The following TRPV3 variants were observed in gnomAD, a reference collection of about 807,000 sequenced individuals.
TRPV3 encodes the protein transient receptor potential cation channel subfamily V member 3.
Under a neutral mutation model 87.1 loss-of-function variants are expected in TRPV3, and 88 were observed. The observed-to-expected ratio is 1.01, with a 90% CI of 0.85 to 1.21. The LOEUF (loss-of-function observed/expected upper bound fraction) is 1.21, where lower values mean the gene tolerates loss of function less well. TRPV3 is among the 50% of genes most tolerant of loss of function. The pLI is 0.00. For missense variants in TRPV3, 1,054 were observed against 1,030.1 expected (o/e 1.02, Z -0.32); for synonymous variants, 438 against 423.3 (o/e 1.03, Z -0.43).
At chr17:3,547,575 C>T (rs968872862) in intron 2 of TRPV3, among the ~76,000 whole-genome samples, 5 of 152,126 alleles carry the variant, frequency 3.3e-5, no homozygotes, top group African/African-American at 7.2e-5. Flanking sequence ...GAGCCAAGAT[C>T]GCACCATTGC....
intron 9 of TRPV3, among the ~76,000 whole-genome samples, chr17:3,529,490 G>C (rs948820213): frequency 6.6e-6 from 1 of 152,088 alleles, no homozygotes; most frequent in Non-Finnish European, 1.5e-5. Context: ...CCAGCCTGCT[G>C]CCTCACTGCC....
intron 12 of TRPV3, 90 bp from the exon 13 acceptor site, chr17:3,524,453 C>G: frequency 6.6e-7 from 1 of 1,508,472 alleles, no homozygotes; most frequent in Non-Finnish European, 9.0e-7. Flanking sequence ...CCTTAAACCC[C>G]CTGAACAGTC....
intron 5 of TRPV3, 151 bp from the exon 6 acceptor site, chr17:3,542,849 C>T (rs2074480985): frequency 2.5e-6 from 2 of 797,062 alleles, no homozygotes; most frequent in East Asian, 2.7e-5. Flanking sequence ...TCTCCTCCCT[C>T]TCCAGCTGTT....
chr17:3,533,549 A>G (rs1353968961), intron 7 of TRPV3, among the ~76,000 whole-genome samples: 2 of 144,168 alleles, frequency 1.4e-5, no homozygotes, highest in Non-Finnish European at 3.0e-5. Flanking sequence ...GCCAGGCTGG[A>G]GTGCAGTGGT....
chr17:3,535,790 T>C (rs1165037429), intron 6 of TRPV3, 77 bp from the exon 7 acceptor site: 3 of 1,374,440 alleles, frequency 2.2e-6, no homozygotes, highest in Non-Finnish European at 2.8e-6. Context: ...CTGGCCTCCA[T>C]ACCCTCCCCG....
rs2150776102 is a variant in TRPV3, at chr17:3,513,944, G to T, written c.2346C>A (p.Val782=). 6.2e-7 allele frequency: 1 copy of T among 1,614,140 alleles called. No homozygotes were observed. The stretch of plus-strand genomic sequence containing the variant: ...ACACCGAGGTTTCCGGGAATTCCTC[G>T]ACTTCTTCAAATGCATTGAGAGTGG... ...SKTTLNAFEE[V]EEFPETSV is the part of the protein sequence containing the mutation. Residue 782 remains valine, a synonymous_variant, in exon 18 of 18, where the codon GTC becomes GTA. Transcript: ENST00000576742.
intron 12 of TRPV3, 127 bp from the exon 13 acceptor site, chr17:3,524,490 C>T: frequency 8.7e-7 from 1 of 1,153,562 alleles, no homozygotes; most frequent in Middle Eastern, 2.1e-4. Flanking sequence ...CTGAAGAGAC[C>T]AGAATCACGC....
At chr17:3,546,961 C>A (rs538514581) in intron 2 of TRPV3, among the ~76,000 whole-genome samples, 1 of 57,140 alleles carries the variant, frequency 1.8e-5, no homozygotes, top group South Asian at 4.0e-4. Flanking sequence ...GAGCGGGACT[C>A]CTTCTCAAAA....
At chr17:3,533,539 G>C (rs913290298) in intron 7 of TRPV3, among the ~76,000 whole-genome samples, 12 of 141,498 alleles carry the variant, frequency 8.5e-5, no homozygotes, top group South Asian at 2.2e-4. Flanking sequence ...CTACTCTGTC[G>C]CCAGGCTGGA....
chr17:3,548,767 CT>C (rs1462695583), intron 2 of TRPV3, among the ~76,000 whole-genome samples: 1 of 152,214 alleles, frequency 6.6e-6, no homozygotes, highest in Non-Finnish European at 1.5e-5. Flanking sequence ...AAACCCTTGC[CT>C]GGGAACCTAA....
chr17:3,545,396 A>G (rs1392848218), intron 2 of TRPV3, 125 bp from the exon 3 acceptor site: 11 of 645,460 alleles, frequency 1.7e-5, no homozygotes, highest in Non-Finnish European at 2.7e-5. Flanking sequence ...TCTGAGCCCA[A>G]ATGGCCTTGC....
chr17:3,533,539 G>T (rs913290298), intron 7 of TRPV3, among the ~76,000 whole-genome samples: 1 of 141,436 alleles, frequency 7.1e-6, no homozygotes, highest in East Asian at 2.1e-4. Context: ...CTACTCTGTC[G>T]CCAGGCTGGA....
At chr17:3,515,432 G>A (rs918346513) in intron 16 of TRPV3, among the ~76,000 whole-genome samples, 4 of 152,084 alleles carry the variant, frequency 2.6e-5, no homozygotes, top group Non-Finnish European at 1.5e-5. Flanking sequence ...AGGCCGAGGG[G>A]GGTGGATCAC....
At position 3,521,047 on chromosome 17, in the gene TRPV3, G is replaced by A. The variant is rs1479564596; in HGVS notation, c.1744-8C>T. 4 of 1,593,194 alleles carry A rather than the reference G, an allele frequency of 2.5e-6. No homozygotes were observed. The highest frequency in any genetic ancestry group is 3.4e-5 in the Admixed American group (2 of 59,208). Reference sequence around the variant, plus strand: ...AACATCATGCAAAATGACCTATAAGGAAATAAACATAATTCAAGTGTAAGG... The same window carrying A: ...AACATCATGCAAAATGACCTATAAGAAAATAAACATAATTCAAGTGTAAGG... On this transcript the variant is annotated splice_region_variant and splice_polypyrimidine_tract_variant and intron_variant, in intron 13 of 17. Transcript: ENST00000576742.
Position 3,556,882 on chromosome 17 carries a change from C to T in TRPV3, c.-3+794G>A, listed in dbSNP as rs972266696. Among the ~76,000 whole-genome samples the T allele has an allele frequency of 2.0e-5, 3 of 152,274 alleles. No homozygotes were observed. The highest frequency in any genetic ancestry group is 1.9e-4 in the East Asian group (1 of 5,168). ...GACTAAAAGGCTGGGATGCACCGAG[C>T]GTGAAGGAGACAGAAGAAGGGCACG... On this transcript the variant is annotated intron_variant, in intron 1 of 17. Transcript: ENST00000576742. This position sits in a 1 kb window ranked among gnomAD's most constrained non-coding sequence, Gnocchi z 4.2.
rs1407169709 is a variant in TRPV3 at position 3,531,270 on chromosome 17, TC to T, written c.1066-1068del. 2.6e-5 allele frequency among the ~76,000 whole-genome samples: 4 copies of T among 152,072 alleles called. No homozygotes were observed. In the East Asian group the frequency reaches 7.8e-4, roughly 29 times the overall value. The stretch of plus-strand genomic sequence containing the variant: ...GTTACCCCAGGATGAGACATGGACT[TC>T]CTAGGACACCAACTCAAGACCCAAG... On this transcript the variant is annotated intron_variant, in intron 8 of 17. Coordinates refer to ENST00000576742, the MANE Select transcript of TRPV3 (RefSeq NM_145068.4).
At chr17:3,527,203 C>A (rs2150787452) in intron 11 of TRPV3, among the ~76,000 whole-genome samples, 1 of 152,314 alleles carries the variant, frequency 6.6e-6, no homozygotes, top group Middle Eastern at 3.4e-3. Flanking sequence ...ACTACAGCCG[C>A]CTTCCATTCC....
In TRPV3 at chr17:3,557,478, C is replaced by T. The variant is rs1310209950; in HGVS notation, c.-3+198G>A. ...TAAGGACCTATATTCTCACACATCC[C>T]TACAGCCAAGAGTGCAGCCAAGAGT... On this transcript the variant is annotated intron_variant, in intron 1 of 17. Coordinates refer to ENST00000576742, the MANE Select transcript of TRPV3 (RefSeq NM_145068.4). The surrounding 1 kb of genome is among the most constrained non-coding windows in gnomAD (Gnocchi z 4.5). Among the ~76,000 whole-genome samples, 1 of 152,204 alleles carries T rather than the reference C, an allele frequency of 6.6e-6. No individual in the cohort carries two copies. Among genetic ancestry groups the T allele is most frequent in the Non-Finnish European group, 1.5e-5 (1 of 68,028 alleles).
intron 16 of TRPV3, 143 bp downstream of exon 16, chr17:3,516,314 T>C: frequency 1.5e-6 from 1 of 661,888 alleles, no homozygotes; most frequent in South Asian, 1.9e-5. Context: ...AAATTCCTTC[T>C]TCCAAGGAGG....
Sources: gnomAD v4.1 joint callset for allele counts (sites outside exome capture counted in the v4.1 genomes callset) on GRCh38, gnomAD v4.1.1 for gene constraint, Gnocchi (gnomAD v3.1) non-coding constraint, MANE v1.5 for transcripts, NCBI Gene and HGNC (gene_info 2026-07-23, HGNC 2026-07-21) for gene names.